COP1: variants seen among roughly 807,000 people sequenced by gnomAD.
COP1 encodes E3 ubiquitin-protein ligase COP1.
A neutral mutation model predicts 101.3 loss-of-function variants in COP1; 24 were observed. The observed-to-expected ratio is 0.24, with a 90% CI of 0.17 to 0.33. The LOEUF (loss-of-function observed/expected upper bound fraction) is 0.33, where lower values mean the gene tolerates loss of function less well. Ranked by LOEUF, COP1 falls within the 10% of genes least tolerant of loss-of-function variation. The probability of loss-of-function intolerance (pLI) is 1.00; values close to 1 mark genes in which losing one functional copy is unlikely to be tolerated. For synonymous variants in COP1, 347 were observed against 341.9 expected, an observed-to-expected ratio of 1.01 and a Z score of -0.17; for missense variants, 663 against 906.2, an observed-to-expected ratio of 0.73 and a Z score of 3.45.
intron 14 of COP1, among the ~76,000 whole-genome samples, chr1:176,037,607 T>C (rs1346823455): frequency 2.6e-5 from 4 of 151,900 alleles, no homozygotes; most frequent in Non-Finnish European, 2.9e-5. Context: ...AAAAGAATAA[T>C]ACATTCATGT....
At chr1:176,078,159 G>A (rs1417175117) in intron 11 of COP1, among the ~76,000 whole-genome samples, 2 of 151,992 alleles carry the variant, frequency 1.3e-5, no homozygotes, top group African/African-American at 4.8e-5. Flanking sequence ...AAATTCACAT[G>A]GAACAAAAAA....
intron 1 of COP1, among the ~76,000 whole-genome samples, chr1:176,200,076 G>C (rs1033277526): frequency 6.6e-6 from 1 of 152,080 alleles, no homozygotes; most frequent in African/African-American, 2.4e-5. Flanking sequence ...ATTATTAACC[G>C]TGTAACTGAG....
intron 18 of COP1, among the ~76,000 whole-genome samples, chr1:175,986,377 A>G (rs376132115): frequency 1.3e-5 from 2 of 152,160 alleles, no homozygotes. Context: ...CATAAGTGAA[A>G]AGTTTGAGGC....
intron 15 of COP1, chr1:176,017,354 A>T (rs2148993971): frequency 6.6e-6 from 1 of 152,296 alleles, no homozygotes; most frequent in South Asian, 2.1e-4. Flanking sequence ...GAGAGTTTAT[A>T]AAAGTCCTCA....
intron 11 of COP1, among the ~76,000 whole-genome samples, chr1:176,077,931 A>G (rs1678356428): frequency 6.6e-6 from 1 of 152,162 alleles, no homozygotes; most frequent in African/African-American, 2.4e-5. Context: ...CTAGGAACTC[A>G]TCTAAGCAAG....
At chr1:176,184,795 G>A in intron 1 of COP1, 103 bp from the exon 2 acceptor site, 1 of 769,048 alleles carries the variant, frequency 1.3e-6, no homozygotes. Context: ...TCAATATACA[G>A]TTTAGAGCTA....
chr1:176,205,822 G>C (rs1460086190), intron 1 of COP1, among the ~76,000 whole-genome samples: 1 of 152,178 alleles, frequency 6.6e-6, no homozygotes, highest in African/African-American at 2.4e-5. Context: ...CAAGTCAGAA[G>C]TTCCAGTATA....
chr1:176,157,420 A>G (rs1426145603), intron 5 of COP1, among the ~76,000 whole-genome samples: 1 of 152,182 alleles, frequency 6.6e-6, no homozygotes, highest in Non-Finnish European at 1.5e-5. Flanking sequence ...CTAGATTTAC[A>G]TTCCTGCCTT....
chr1:176,094,450 T>C (rs1313066201), intron 9 of COP1, among the ~76,000 whole-genome samples: 3 of 151,920 alleles, frequency 2.0e-5, no homozygotes, highest in African/African-American at 7.2e-5. Context: ...TGGATGCAGA[T>C]AGTCTACAAG....
chr1:175,987,025 T>C lies in COP1; in HGVS notation c.2051A>G (p.Lys684Arg). 6.2e-7 allele frequency: 1 copy of C among 1,611,270 alleles called. No individual in the cohort carries two copies. The highest frequency in any genetic ancestry group is 8.5e-7 in the Non-Finnish European group (1 of 1,177,966). Residue 684 changes from lysine to arginine, a missense_variant, in exon 18 of 20, where the codon AAA becomes AGA. This residue lies in a region of COP1 where 209 missense variants were observed against 383.3 expected (regional missense o/e 0.55). Transcript: ENST00000367669. ...TLLTFKFDTV[K>R]SVLDKDRKED... The stretch of plus-strand genomic sequence containing the variant: ...TTTTCGGTCTTTGTCGAGAACACTT[T>C]TGACTGTATCAAACTTAAAAGTTAG...
chr1:176,197,471 T>C (rs1405177529), intron 1 of COP1, among the ~76,000 whole-genome samples: 4 of 152,194 alleles, frequency 2.6e-5, no homozygotes, highest in African/African-American at 9.7e-5. Context: ...CTACACATTG[T>C]TTTGTACTTC....
chr1:176,149,432 T>C (rs1692077209), intron 5 of COP1, among the ~76,000 whole-genome samples: 1 of 152,138 alleles, frequency 6.6e-6, no homozygotes, highest in African/African-American at 2.4e-5. Flanking sequence ...ACATAGCTTA[T>C]AGACACTAAA....
intron 5 of COP1, among the ~76,000 whole-genome samples, chr1:176,154,409 T>G (rs1359170593): frequency 1.3e-5 from 2 of 152,184 alleles, no homozygotes; most frequent in East Asian, 3.9e-4. Flanking sequence ...TAATGGTAGA[T>G]TAGATAAAGA....
At chr1:176,189,480 T>C (rs1056009868) in intron 1 of COP1, among the ~76,000 whole-genome samples, 1 of 152,026 alleles carries the variant, frequency 6.6e-6, no homozygotes, top group African/African-American at 2.4e-5. Context: ...CTCAGAATTT[T>C]ATACTCAACA....
At chr1:176,132,535 A>G (rs1216534322) in intron 8 of COP1, among the ~76,000 whole-genome samples, 1 of 150,194 alleles carries the variant, frequency 6.7e-6, no homozygotes, top group Non-Finnish European at 1.5e-5. Flanking sequence ...ACACACATAT[A>G]TGAATATATA....
chr1:176,203,197 C>A (rs1287186740), intron 1 of COP1, among the ~76,000 whole-genome samples: 2 of 151,400 alleles, frequency 1.3e-5, no homozygotes, highest in Non-Finnish European at 3.0e-5. Flanking sequence ...ATTAGCCGGG[C>A]GGGGTGGCCG....
chr1:176,071,777 C>T (rs1677051223), intron 11 of COP1, among the ~76,000 whole-genome samples: 1 of 152,128 alleles, frequency 6.6e-6, no homozygotes, highest in African/African-American at 2.4e-5. Flanking sequence ...TCTTGGATAC[C>T]AAACACTGGT....
chr1:175,962,015 G>A lies in COP1; in HGVS notation c.2134-14776C>T, dbSNP rs1571263287. Among the ~76,000 whole-genome samples the A allele has an allele frequency of 2.0e-5, 3 of 152,262 alleles. No individual in the cohort carries two copies. The South Asian group carries it at 6.2e-4, about 32-fold the overall frequency. Reference sequence around the variant, plus strand: ...AGGTGGGGTAAGCATGTAAACTGTAGCATACCAGGGTTAGAAAATAAGTAA... The same window carrying A: ...AGGTGGGGTAAGCATGTAAACTGTAACATACCAGGGTTAGAAAATAAGTAA... On this transcript the variant is annotated intron_variant, in intron 18 of 19. Transcript: ENST00000367669.
chr1:175,992,375 G>C (rs1020530034), intron 15 of COP1, among the ~76,000 whole-genome samples: 4 of 152,226 alleles, frequency 2.6e-5, no homozygotes, highest in African/African-American at 7.2e-5. Flanking sequence ...ATCTCACTAG[G>C]GAGTGCCAGA....
Sources: gnomAD v4.1 joint callset for allele counts (sites outside exome capture counted in the v4.1 genomes callset) on GRCh38, gnomAD v4.1.1 for gene constraint, gnomAD v4.1.1 regional missense constraint, MANE v1.5 for transcripts, NCBI Gene and HGNC (gene_info 2026-07-23, HGNC 2026-07-21) for gene names.